The following HSPA12A variants were observed in gnomAD, a reference collection of about 807,000 sequenced individuals.
HSPA12A encodes the protein heat shock 70 kDa protein 12A.
Under a neutral mutation model 69.2 loss-of-function variants are expected in HSPA12A, and 28 were observed. The ratio of observed to expected loss-of-function variants is 0.40; its 90% CI spans 0.30 to 0.55. The LOEUF (loss-of-function observed/expected upper bound fraction) is 0.55, where lower values mean the gene tolerates loss of function less well. Among genes scored for constraint, HSPA12A ranks in the 20% least tolerant of loss-of-function variants. The pLI, the probability that HSPA12A is intolerant of heterozygous loss-of-function variation, is 0.38. For missense variants in HSPA12A, 686 were observed against 900.7 expected, an observed-to-expected ratio of 0.76 and a Z score of 3.05; for synonymous variants, 345 against 370.5, an observed-to-expected ratio of 0.93 and a Z score of 0.79.
Position 116,676,948 on chromosome 10 carries a change from A to G in HSPA12A, c.1287-446T>C, listed in dbSNP as rs117869798. Among the ~76,000 whole-genome samples the G allele has an allele frequency of 1.1e-3, 168 of 152,354 alleles. 3 individuals carry two copies. The East Asian group carries it at 0.026, about 24-fold the overall frequency. ...GCCTTCCAGGCACCTGTCAGGTGAC[A>G]GAGTAAGCCTAATTCTACTAGGTGG... is the stretch of plus-strand genomic sequence containing the variant. On this transcript the variant is annotated intron_variant, in intron 10 of 11. Coordinates refer to ENST00000369209, the MANE Select transcript of HSPA12A (RefSeq NM_025015.3).
intron 1 of HSPA12A, among the ~76,000 whole-genome samples, chr10:116,718,578 C>A (rs1850678962): frequency 6.6e-6 from 1 of 152,172 alleles, no homozygotes. Context: ...ACGGCTTGTG[C>A]ACTGCACAAA....
At chr10:116,742,948 C>T (rs1425324356), upstream of HSPA12A, among the ~76,000 whole-genome samples, 1 of 152,136 alleles carries the variant, frequency 6.6e-6, no homozygotes, top group Non-Finnish European at 1.5e-5. Flanking sequence ...AAGCCCAGCG[C>T]GCCCGGCGCT....
At chr10:116,791,178 TGC>T (rs1844694233) in intron 2 of HSPA12A, among the ~76,000 whole-genome samples, 2 of 152,228 alleles carry the variant, frequency 1.3e-5, no homozygotes, top group Non-Finnish European at 2.9e-5. Context: ...AAGTGTGTGC[TGC>T]TTGGATGAAG....
chr10:116,823,727 C>T (rs1845448059), intron 2 of HSPA12A, among the ~76,000 whole-genome samples: 1 of 152,046 alleles, frequency 6.6e-6, no homozygotes, highest in Non-Finnish European at 1.5e-5. Flanking sequence ...CTACATCACA[C>T]CATATACAAA....
At chr10:116,676,784 A>G (rs1292932076) in intron 10 of HSPA12A, among the ~76,000 whole-genome samples, 2 of 152,230 alleles carry the variant, frequency 1.3e-5, no homozygotes, top group East Asian at 3.9e-4. Context: ...ACAAGGAGAT[A>G]AAGGGCTCAC....
intron 8 of HSPA12A, 120 bp downstream of exon 8, chr10:116,681,671 G>T: frequency 1.3e-6 from 1 of 779,894 alleles, no homozygotes; most frequent in Non-Finnish European, 2.1e-6. Context: ...TGCATGAGTG[G>T]TCTTTAGAAC....
intron 1 of HSPA12A, among the ~76,000 whole-genome samples, chr10:116,847,111 T>C (rs1168058648): frequency 2.6e-5 from 4 of 152,342 alleles, no homozygotes; most frequent in African/African-American, 9.6e-5. Flanking sequence ...ACTCAAGCTC[T>C]ACACATCTAA....
chr10:116,692,408 C>T lies in HSPA12A; in HGVS notation c.606G>A (p.Thr202=), dbSNP rs367814906. ...CCGGCTGCTTCCAGATGGCAGGCAC[C>T]GTGATGACCCATCTGACATCAGAGT... The part of the protein sequence containing the change: ...FENSDVRWVI[T]VPAIWKQPAK... Residue 202 remains threonine, a synonymous_variant, in exon 6 of 12, where the codon ACG becomes ACA. Coordinates refer to ENST00000369209, the MANE Select transcript of HSPA12A (RefSeq NM_025015.3). 4.2e-5 allele frequency: 68 copies of T among 1,614,134 alleles called. No homozygotes were observed. In the African/African-American group the frequency reaches 6.1e-4, roughly 15 times the overall value.
At chr10:116,788,444 C>G (rs890266508) in intron 2 of HSPA12A, among the ~76,000 whole-genome samples, 1 of 152,186 alleles carries the variant, frequency 6.6e-6, no homozygotes. Flanking sequence ...TCCCAAAATA[C>G]AATAGCTTGT....
At chr10:116,724,276 C>CT (rs1371155297) in intron 1 of HSPA12A, among the ~76,000 whole-genome samples, 3 of 152,096 alleles carry the variant, frequency 2.0e-5, no homozygotes, top group African/African-American at 4.8e-5. Context: ...CCCATGGGAT[C>CT]TTTTTTTAAA....
intron 1 of HSPA12A, among the ~76,000 whole-genome samples, chr10:116,740,676 C>A (rs4436471): frequency 1.1e-5 from 1 of 92,228 alleles, no homozygotes; most frequent in African/African-American, 4.3e-5. Context: ...GTGTGTGTGT[C>A]TGTGTGTGTG....
chr10:116,673,103 GA>G lies in HSPA12A; in HGVS notation c.*1677del, dbSNP rs2133346701. 6.5e-6 allele frequency: 1 copy of G among 152,754 alleles called. No individual in the cohort carries two copies. The highest frequency in any genetic ancestry group is 1.9e-4 in the East Asian group (1 of 5,186). 9.5% of individuals were successfully genotyped at this position (152,754 alleles called of 1,614,324 possible). A position where few individuals can be genotyped will look rare whatever the true frequency, so the allele number is the denominator to read the frequency against. ...TTATGCATGCCTCCAGTGATTTAAT[GA>G]ATTTCAGCAGGTGGAAAAGACAGCT... On this transcript the variant is annotated 3_prime_UTR_variant, in exon 12 of 12. Coordinates refer to ENST00000369209, the MANE Select transcript of HSPA12A (RefSeq NM_025015.3).
At chr10:116,741,143 G>A (rs1245358498) in intron 1 of HSPA12A, among the ~76,000 whole-genome samples, 4 of 152,060 alleles carry the variant, frequency 2.6e-5, no homozygotes, top group African/African-American at 9.7e-5. Flanking sequence ...GCCCTGTCAG[G>A]ATCCCCCACC....
chr10:116,706,557 G>C (rs568843341), intron 2 of HSPA12A, among the ~76,000 whole-genome samples: 1 of 152,292 alleles, frequency 6.6e-6, no homozygotes, highest in East Asian at 1.9e-4. Context: ...CGTCTGCACA[G>C]CTCATGCAAA....
At chr10:116,839,916 T>A (rs916798001) in intron 1 of HSPA12A, among the ~76,000 whole-genome samples, 1 of 152,054 alleles carries the variant, frequency 6.6e-6, no homozygotes, top group Non-Finnish European at 1.5e-5. Flanking sequence ...GTGCCTTTTT[T>A]TTTTTCTTTA....
chr10:116,725,400 A>G (rs918397950), intron 1 of HSPA12A, among the ~76,000 whole-genome samples: 1 of 152,084 alleles, frequency 6.6e-6, no homozygotes, highest in Non-Finnish European at 1.5e-5. Context: ...TCAGCATCCC[A>G]GTGTTGTTCA....
At chr10:116,820,374 G>C (rs1332319707) in intron 2 of HSPA12A, among the ~76,000 whole-genome samples, 4 of 152,152 alleles carry the variant, frequency 2.6e-5, no homozygotes, top group African/African-American at 9.7e-5. Context: ...GCAGGAGACA[G>C]TCACTGTGAT....
At chr10:116,836,782 C>CAT in intron 1 of HSPA12A, among the ~76,000 whole-genome samples, 1 of 152,078 alleles carries the variant, frequency 6.6e-6, no homozygotes, top group Admixed American at 6.5e-5. Context: ...CACACACACA[C>CAT]ACACACACAC....
chr10:116,819,821 C>T lies in HSPA12A; in HGVS notation c.91+15114G>A, dbSNP rs969176556. The stretch of plus-strand genomic sequence containing the variant: ...TGTAGCCATACATGTTTGTAAACAA[C>T]TTATAGGATTTTTTGGTTTTTTGTT... On this transcript the variant is annotated intron_variant, in intron 2 of 12. Coordinates refer to the HSPA12A transcript ENST00000635765. Among the ~76,000 whole-genome samples the T allele has an allele frequency of 3.4e-4, 52 of 152,030 alleles. 1 individual carries two copies. The highest frequency in any genetic ancestry group is 3.4e-4 in the Non-Finnish European group (23 of 68,004).
Sources: allele counts gnomAD v4.1 joint callset (sites outside exome capture counted in the v4.1 genomes callset), GRCh38; gene constraint gnomAD v4.1.1; transcripts MANE v1.5; gene names NCBI Gene and HGNC (gene_info 2026-07-23, HGNC 2026-07-21).